Variants in BTBD2 observed in about 807,000 individuals in gnomAD.
BTBD2 encodes the protein BTB domain containing 2, also known as BTB/POZ domain-containing protein 2.
BTBD2 carries 15 observed loss-of-function variants against 44.0 expected under a neutral mutation model. The observed-to-expected ratio is 0.34, with a 90% CI of 0.23 to 0.53. BTBD2 has a LOEUF of 0.53. BTBD2 is among the 20% of genes least tolerant of loss of function. The pLI, the probability that BTBD2 is intolerant of heterozygous loss-of-function variation, is 0.95. For synonymous variants in BTBD2, 443 were observed against 335.9 expected, an observed-to-expected ratio of 1.32 and a Z score of -3.49; for missense variants, 657 against 746.4, an observed-to-expected ratio of 0.88 and a Z score of 1.39.
chr19:2,006,088 TAAAA>T (rs113126344), intron 1 of BTBD2, among the ~76,000 whole-genome samples: 3 of 134,586 alleles, frequency 2.2e-5, no homozygotes, highest in Non-Finnish European at 4.9e-5. Flanking sequence ...ACCCTGTCTC[TAAAA>T]AAAAAAAAAA....
intron 2 of BTBD2, 72 bp downstream of exon 2, chr19:1,997,268 TCAGA>T (rs1268801926): frequency 1.3e-6 from 2 of 1,593,776 alleles, no homozygotes; most frequent in Non-Finnish European, 1.7e-6. Flanking sequence ...TGAGCTGGTG[TCAGA>T]CAGGGTCTAC....
chr19:1,989,778 A>G (rs1436471674), intron 5 of BTBD2: 3 of 581,654 alleles, frequency 5.2e-6, no homozygotes, highest in Non-Finnish European at 9.2e-6. Context: ...CTGGACAGAC[A>G]CGAGAGGCGG....
rs2016069663 is a variant in BTBD2, at chr19:1,985,770, CGCGAGGGCCGTCCAGGGAGGCTGGACA to C, written c.*691_*717del. On this transcript the variant is annotated 3_prime_UTR_variant, in exon 9 of 9. Transcript: ENST00000255608. Reference sequence around the variant, plus strand: ...GAGTCCCATCTTGGGCTGCAGGGACCGCGAGGGCCGTCCAGGGAGGCTGGACAGCGGGGGCCTTTATCTGGGCCCATC... The same window carrying C: ...GAGTCCCATCTTGGGCTGCAGGGACCGCGGGGGCCTTTATCTGGGCCCATC... 1 of 152,410 alleles carries C rather than the reference CGCGAGGGCCGTCCAGGGAGGCTGGACA, an allele frequency of 6.6e-6. No homozygotes were observed. The highest frequency in any genetic ancestry group is 1.5e-5 in the Non-Finnish European group (1 of 68,218). The allele number at this position is 152,410 out of a possible 1,614,324, so 9.4% of individuals were successfully genotyped here. A position where few individuals can be genotyped will look rare whatever the true frequency, so the allele number is the denominator to read the frequency against.
chr19:1,987,470 G>A (rs1255169526), intron 6 of BTBD2, 30 bp downstream of exon 6: 13 of 1,337,332 alleles, frequency 9.7e-6, no homozygotes, highest in Non-Finnish European at 1.2e-5. Context: ...CCCCATGTCC[G>A]GACCCCCCCG....
rs547813696 is a variant in BTBD2, at chr19:1,987,367, C to T, written c.1182-114G>A. On this transcript the variant is annotated intron_variant, in intron 6 of 8. Transcript: ENST00000255608. Reference sequence around the variant, plus strand: ...TCCATCGTCCCTGAGTCCTCCACCCCCATGCCCGGCGGCCCCCCCGCCGTC... The same window carrying T: ...TCCATCGTCCCTGAGTCCTCCACCCTCATGCCCGGCGGCCCCCCCGCCGTC... 30 of 1,419,764 alleles carry T rather than the reference C, an allele frequency of 2.1e-5. No individual in the cohort carries two copies. In the East Asian group the frequency reaches 9.7e-4, roughly 46 times the overall value. The allele number at this position is 1,419,764 out of a possible 1,614,324, so 87.9% of individuals were successfully genotyped here.
intron 1 of BTBD2, among the ~76,000 whole-genome samples, chr19:2,009,260 G>C (rs920472119): frequency 6.7e-6 from 1 of 149,550 alleles, no homozygotes; most frequent in South Asian, 2.1e-4. Flanking sequence ...GTGTGGTGGC[G>C]TGATCTTGGC....
chr19:2,004,739 G>T (rs991460965), intron 1 of BTBD2, among the ~76,000 whole-genome samples: 33 of 151,574 alleles, frequency 2.2e-4, no homozygotes, highest in African/African-American at 7.3e-4. Context: ...AGGACTTCGA[G>T]AGGCCAAGGC....
intron 2 of BTBD2, among the ~76,000 whole-genome samples, chr19:1,993,562 C>G (rs777072786): frequency 6.6e-6 from 1 of 152,100 alleles, no homozygotes; most frequent in Non-Finnish European, 1.5e-5. Flanking sequence ...CGGGCACCAC[C>G]GAAAACCTCA....
In BTBD2 at chr19:1,990,481, G is replaced by A. The variant is rs1306962640; in HGVS notation, c.790+236C>T. 31 of 608,954 alleles carry A rather than the reference G, an allele frequency of 5.1e-5. 1 individual carries two copies. Among genetic ancestry groups the A allele is most frequent in the South Asian group, 4.8e-4 (24 of 49,998 alleles). 37.7% of individuals were successfully genotyped at this position (608,954 alleles called of 1,614,324 possible). A position where few individuals can be genotyped will look rare whatever the true frequency, so the allele number is the denominator to read the frequency against. On this transcript the variant is annotated intron_variant, in intron 4 of 8. Coordinates refer to ENST00000255608, the MANE Select transcript of BTBD2 (RefSeq NM_017797.4). ...AGCAAAGTCAAAGCCATGGACCATC[G>A]GAGGACGAGATGGTCACCATCAGCT...
intron 1 of BTBD2, among the ~76,000 whole-genome samples, chr19:2,004,854 C>T (rs751726610): frequency 6.6e-6 from 1 of 151,680 alleles, no homozygotes; most frequent in African/African-American, 2.4e-5. Flanking sequence ...TGGAGTCTTG[C>T]TCTGTCACCC....
rs140287024 is a variant in BTBD2 at position 2,005,256 on chromosome 19, T to C, written c.408-7793A>G. Among the ~76,000 whole-genome samples, 190 of 152,322 alleles carry C rather than the reference T, an allele frequency of 1.2e-3. 1 individual carries two copies. The highest frequency in any genetic ancestry group is 4.2e-3 in the African/African-American group (173 of 41,588). On this transcript the variant is annotated intron_variant, in intron 1 of 8. Transcript: ENST00000255608. ...CTCTGGGCATTCACGCACGAGGCTG[T>C]GTGAGGACACAGATTCTCCTTCTCC...
At chr19:2,012,290 T>A (rs371955905) in intron 1 of BTBD2, among the ~76,000 whole-genome samples, 7 of 150,170 alleles carry the variant, frequency 4.7e-5, no homozygotes, top group Non-Finnish European at 1.0e-4. Flanking sequence ...GTAGCTGGGA[T>A]TACAGGTGTG....
At position 1,999,115 on chromosome 19, in the gene BTBD2, G is replaced by A. The variant is rs997507317; in HGVS notation, c.408-1652C>T. 1.4e-4 allele frequency among the ~76,000 whole-genome samples: 22 copies of A among 152,138 alleles called. No homozygotes were observed. In the East Asian group the frequency reaches 2.5e-3, roughly 17 times the overall value. ...CCCGTCTTCCGAGGAGAAGCTCCTC[G>A]CTCTCCTCCCACCACACGCGCCCCC... On this transcript the variant is annotated intron_variant, in intron 1 of 8. Transcript: ENST00000255608.
rs890066341 is a variant in BTBD2, at chr19:2,002,163, C to A, written c.408-4700G>T. On this transcript the variant is annotated intron_variant, in intron 1 of 8. Transcript: ENST00000255608. ...GTGGCACGATCATAGCTCACTGCAG[C>A]CTCAACCTCCTGGACTCAAGCAATG... Among the ~76,000 whole-genome samples, 11 of 152,278 alleles carry A rather than the reference C, an allele frequency of 7.2e-5. No homozygotes were observed. The East Asian group carries it at 1.7e-3, about 24-fold the overall frequency.
At chr19:2,009,424 T>A (rs112722523) in intron 1 of BTBD2, among the ~76,000 whole-genome samples, 1,910 of 151,286 alleles carry the variant, frequency 0.013, 34 homozygotes, top group African/African-American at 0.043. Flanking sequence ...GGTCTCAAAT[T>A]CCTGACCTCG....
At chr19:2,001,796 G>A (rs1184384189) in intron 1 of BTBD2, among the ~76,000 whole-genome samples, 1 of 152,200 alleles carries the variant, frequency 6.6e-6, no homozygotes, top group African/African-American at 2.4e-5. Flanking sequence ...GGAGTGCAGT[G>A]GCGCAATCTT....
intron 5 of BTBD2, chr19:1,988,599 C>G (rs1317853645): frequency 6.6e-6 from 1 of 150,590 alleles, no homozygotes; most frequent in African/African-American, 2.4e-5. Flanking sequence ...GAGTTTCGCT[C>G]TTGTCCCCCA....
Position 1,987,660 on chromosome 19 carries a change from C to T in BTBD2, c.1021G>A (p.Glu341Lys), listed in dbSNP as rs1193997399. 6 of 1,609,308 alleles carry T rather than the reference C, an allele frequency of 3.7e-6. No individual in the cohort carries two copies. The highest frequency in any genetic ancestry group is 1.7e-5 in the Admixed American group (1 of 59,708). The stretch of plus-strand genomic sequence containing the variant: ...AAGTGCAGGAAGAGGCTGACCACCT[C>T]GCGGTCCACCAGGATGCCCGACTGT... ...PAQSGILVDR[E>K]VVSLFLHFTV... Residue 341 changes from glutamate (E) to lysine (K), a missense_variant, in exon 6 of 9, where the codon GAG (glutamate) becomes AAG (lysine). By Grantham distance (56) the Glu-to-Lys change is moderately conservative. This residue lies in a region of BTBD2 where 449 missense variants were observed against 510.9 expected (regional missense o/e 0.88). Transcript: ENST00000255608.
At chr19:2,011,406 T>C (rs2016463193) in intron 1 of BTBD2, among the ~76,000 whole-genome samples, 1 of 152,138 alleles carries the variant, frequency 6.6e-6, no homozygotes, top group South Asian at 2.1e-4. Context: ...AATGCGGATC[T>C]GGTCACACTG....
Sources: gnomAD v4.1 joint callset for allele counts (sites outside exome capture counted in the v4.1 genomes callset) on GRCh38, gnomAD v4.1.1 for gene constraint, gnomAD v4.1.1 regional missense constraint, MANE v1.5 for transcripts, NCBI Gene and HGNC (gene_info 2026-07-23, HGNC 2026-07-21) for gene names.